Variants in RFC3 observed in about 807,000 individuals in gnomAD.
The protein encoded by RFC3 is replication factor C subunit 3.
Under a neutral mutation model 45.1 loss-of-function variants are expected in RFC3, and 41 were observed. That is an observed-to-expected ratio of 0.91 (90% CI 0.71 to 1.18). The LOEUF (loss-of-function observed/expected upper bound fraction) is 1.18, where lower values mean the gene tolerates loss of function less well. RFC3 is among the 50% of genes most tolerant of loss of function. The pLI, the probability that RFC3 is intolerant of heterozygous loss-of-function variation, is 0.00. For missense variants in RFC3, 423 were observed against 428.1 expected (o/e 0.99, Z 0.10); for synonymous variants, 149 against 144.0 (o/e 1.03, Z -0.25).
intron 8 of RFC3, among the ~76,000 whole-genome samples, chr13:33,913,750 T>C (rs566216917): frequency 6.6e-6 from 1 of 152,264 alleles, no homozygotes; most frequent in African/African-American, 2.4e-5. Flanking sequence ...TCTCTGGTAG[T>C]TACTGTTGCT....
the RFC3 span, among the ~76,000 whole-genome samples, chr13:33,974,386 C>T: frequency 2.3e-4 from 35 of 151,906 alleles, no homozygotes; most frequent in Non-Finnish European, 1.0e-4. Context: ...AGCCCATTAG[C>T]AGTCACATCT....
chr13:33,857,409 C>G (rs1213457751), intron 8 of RFC3, among the ~76,000 whole-genome samples: 2 of 152,126 alleles, frequency 1.3e-5, no homozygotes, highest in Admixed American at 1.3e-4. Flanking sequence ...GACATTTAAG[C>G]CGCCTGCCCT....
chr13:33,929,149 C>T (rs576886238), intron 8 of RFC3, among the ~76,000 whole-genome samples: 3 of 151,902 alleles, frequency 2.0e-5, no homozygotes, highest in South Asian at 2.1e-4. Context: ...AAATTTACCA[C>T]GAAAGGTAAA....
intron 8 of RFC3, among the ~76,000 whole-genome samples, chr13:33,964,583 A>C (rs1437141761): frequency 6.6e-6 from 1 of 152,154 alleles, no homozygotes; most frequent in Non-Finnish European, 1.5e-5. Flanking sequence ...GACAAAACAC[A>C]TTTTCCCCTA....
At chr13:33,905,253 G>A (rs1290363393) in intron 8 of RFC3, among the ~76,000 whole-genome samples, 3 of 149,400 alleles carry the variant, frequency 2.0e-5, no homozygotes, top group East Asian at 4.0e-4. Flanking sequence ...TGTATCTTAA[G>A]CAAGGTACTG....
At chr13:33,826,749 T>G (rs1288667009) in intron 4 of RFC3, among the ~76,000 whole-genome samples, 3 of 152,070 alleles carry the variant, frequency 2.0e-5, no homozygotes, top group Admixed American at 6.6e-5. Context: ...GTAGTTTGAG[T>G]TTTTTTAGAT....
exon 9 of RFC3, chr13:33,966,139 A>G (rs2083086602): frequency 1.3e-6 from 2 of 1,597,862 alleles, no homozygotes; most frequent in African/African-American, 1.3e-5. Context: ...CCTCCAAAGA[A>G]CAACTTGCTA....
chr13:33,964,259 T>A (rs2083074383), intron 8 of RFC3, among the ~76,000 whole-genome samples: 1 of 152,142 alleles, frequency 6.6e-6, no homozygotes, highest in South Asian at 2.1e-4. Context: ...TCATGAAAAA[T>A]AGAAGAGATA....
chr13:33,871,707 A>G (rs1015557576), intron 8 of RFC3, among the ~76,000 whole-genome samples: 2 of 152,154 alleles, frequency 1.3e-5, no homozygotes, highest in Non-Finnish European at 2.9e-5. Flanking sequence ...CTGAAAACAA[A>G]CAATATAGAA....
chr13:33,950,648 G>A (rs1225762530), intron 8 of RFC3, among the ~76,000 whole-genome samples: 1 of 152,204 alleles, frequency 6.6e-6, no homozygotes, highest in Non-Finnish European at 1.5e-5. Flanking sequence ...GGTCAACTGA[G>A]CTGAGAGAAG....
At chr13:33,928,115 G>T (rs1386359021) in intron 8 of RFC3, among the ~76,000 whole-genome samples, 1 of 152,098 alleles carries the variant, frequency 6.6e-6, no homozygotes, top group African/African-American at 2.4e-5. Context: ...TTCCACCGCA[G>T]TGAAGTGACT....
At position 33,829,925 on chromosome 13, in the gene RFC3, T is replaced by C. The variant is rs376123517; in HGVS notation, c.481T>C (p.Leu161=). Residue 161 remains leucine (L), a synonymous_variant, in exon 5 of 9, where the codon TTG becomes CTG. Coordinates refer to ENST00000380071, the MANE Select transcript of RFC3 (RefSeq NM_002915.4). The part of the protein sequence containing the change: ...TMEKYMSTCR[L]ILCCNSTSKV... Reference sequence around the variant, plus strand: ...GGAAAAATATATGTCTACCTGCAGATTGATCTTGTGCTGCAATTCTACATC... The same window carrying C: ...GGAAAAATATATGTCTACCTGCAGACTGATCTTGTGCTGCAATTCTACATC... 5 of 1,614,024 alleles carry C rather than the reference T, an allele frequency of 3.1e-6. No individual in the cohort carries two copies. The highest frequency in any genetic ancestry group is 2.7e-5 in the African/African-American group (2 of 74,950).
At chr13:33,957,412 C>A (rs1328863912) in intron 8 of RFC3, among the ~76,000 whole-genome samples, 2 of 152,036 alleles carry the variant, frequency 1.3e-5, no homozygotes, top group Non-Finnish European at 2.9e-5. Flanking sequence ...TAACAGGTAC[C>A]ATTATGGCAA....
intron 8 of RFC3, among the ~76,000 whole-genome samples, chr13:33,960,863 C>G (rs1384352003): frequency 6.6e-6 from 1 of 152,180 alleles, no homozygotes; most frequent in Non-Finnish European, 1.5e-5. Context: ...ATCTCTGGTG[C>G]TTTTGGGGCC....
chr13:33,842,798 A>G (rs1475401317), intron 8 of RFC3, among the ~76,000 whole-genome samples: 1 of 152,228 alleles, frequency 6.6e-6, no homozygotes, highest in Non-Finnish European at 1.5e-5. Flanking sequence ...ATTAACAGTT[A>G]GTGGCAGTAT....
At position 33,851,439 on chromosome 13, in the gene RFC3, T is replaced by G. The variant is rs116281989; in HGVS notation, c.879+16222T>G. ...CACGTATTTTGTATGTCGTGTATAT[T>G]ACATTCTTACCATAAAGTCAGATAA... On this transcript the variant is annotated intron_variant, in intron 8 of 8. Coordinates refer to the RFC3 transcript ENST00000434425. 9.0e-3 allele frequency among the ~76,000 whole-genome samples: 1,376 copies of G among 152,314 alleles called. 14 individuals carry two copies. Among genetic ancestry groups the G allele is most frequent in the African/African-American group, 0.032 (1,325 of 41,566 alleles).
intron 4 of RFC3, 56 bp from the exon 5 acceptor site, chr13:33,829,780 A>C (rs1344174170): frequency 5.3e-6 from 7 of 1,310,190 alleles, no homozygotes; most frequent in East Asian, 2.3e-5. Flanking sequence ...AGAAAGAGAC[A>C]AGTTAAAGTT....
chr13:33,957,654 A>G (rs1373701269), intron 8 of RFC3, among the ~76,000 whole-genome samples: 1 of 152,152 alleles, frequency 6.6e-6, no homozygotes, highest in African/African-American at 2.4e-5. Flanking sequence ...CGGAAGCTCT[A>G]AGTTCACTTA....
chr13:33,927,770 G>A (rs1037538363), intron 8 of RFC3, among the ~76,000 whole-genome samples: 2 of 152,108 alleles, frequency 1.3e-5, no homozygotes, highest in Non-Finnish European at 2.9e-5. Context: ...GAGAGGCCTG[G>A]TGTGTGGGTG....
Sources: gnomAD v4.1 joint callset for allele counts (sites outside exome capture counted in the v4.1 genomes callset) on GRCh38, gnomAD v4.1.1 for gene constraint, MANE v1.5 for transcripts, NCBI Gene and HGNC (gene_info 2026-07-23, HGNC 2026-07-21) for gene names.